The following SLC45A1 variants were observed in gnomAD, a reference collection of about 807,000 sequenced individuals.
SLC45A1 encodes the protein solute carrier family 45 member 1.
A neutral mutation model predicts 57.6 loss-of-function variants in SLC45A1; 28 were observed. That is an observed-to-expected ratio of 0.49 (90% CI 0.36 to 0.67). The LOEUF (loss-of-function observed/expected upper bound fraction) is 0.67, where lower values mean the gene tolerates loss of function less well. SLC45A1 is among the 30% of genes least tolerant of loss of function. SLC45A1 has a pLI of 0.00. For missense variants in SLC45A1, 814 were observed against 1,041.5 expected (o/e 0.78, Z 3.01); for synonymous variants, 459 against 471.5 (o/e 0.97, Z 0.34).
At position 8,335,240 on chromosome 1, in the gene SLC45A1, G is replaced by A. The variant is rs571601113; in HGVS notation, c.1444-197G>A. Among the ~76,000 whole-genome samples, 23 of 152,296 alleles carry A rather than the reference G, an allele frequency of 1.5e-4. No individual in the cohort carries two copies. The highest frequency in any genetic ancestry group is 3.9e-4 in the Admixed American group (6 of 15,294). The stretch of plus-strand genomic sequence containing the variant: ...ATGGAATTCTAGCCTTAGCTGCTCC[G>A]GGGCCTCGGAAACAATGCCCTGAAT... On this transcript the variant is annotated intron_variant, in intron 5 of 8. Coordinates refer to ENST00000471889, the MANE Select transcript of SLC45A1 (RefSeq NM_001080397.3). The surrounding 1 kb of genome is among the most constrained non-coding windows in gnomAD (Gnocchi z 4.1).
Position 8,326,335 on chromosome 1 carries a change from T to A in SLC45A1, c.715+293T>A, listed in dbSNP as rs1640203117. The stretch of plus-strand genomic sequence containing the variant: ...CTGCAGAGTCACCACAAACACTGAA[T>A]TAGCAAACACCGCATCTCGCTCCTA... On this transcript the variant is annotated intron_variant, in intron 4 of 8. Coordinates refer to ENST00000471889, the MANE Select transcript of SLC45A1 (RefSeq NM_001080397.3). The surrounding 1 kb of genome is among the most constrained non-coding windows in gnomAD (Gnocchi z 5.5). Among the ~76,000 whole-genome samples the A allele has an allele frequency of 6.6e-6, 1 of 152,224 alleles. No individual in the cohort carries two copies. Among genetic ancestry groups the A allele is most frequent in the Non-Finnish European group, 1.5e-5 (1 of 68,030 alleles).
intron 1 of SLC45A1, among the ~76,000 whole-genome samples, chr1:8,318,699 C>T (rs943211277): frequency 6.6e-6 from 1 of 152,226 alleles, no homozygotes; most frequent in African/African-American, 2.4e-5. Context: ...CTCCTTCTGC[C>T]CTCGACAATC....
chr1:8,320,011 C>T (rs866178668), intron 1 of SLC45A1, among the ~76,000 whole-genome samples: 14 of 152,164 alleles, frequency 9.2e-5, no homozygotes, highest in African/African-American at 3.4e-4. Flanking sequence ...AGCCACTGTG[C>T]CCGGTCTCAA....
intron 1 of SLC45A1, among the ~76,000 whole-genome samples, chr1:8,319,155 C>T (rs1386637803): frequency 1.3e-5 from 2 of 152,234 alleles, no homozygotes; most frequent in Non-Finnish European, 1.5e-5. Flanking sequence ...TGGCACATGC[C>T]TGTAATCCCA....
In SLC45A1 at chr1:8,328,089, T is replaced by TA. The variant is rs1640256302; in HGVS notation, c.715+2048dup. Reference sequence around the variant, plus strand: ...ATTGGCTGGGCCGAAGGTAGTGAGTTATCTCGATTGATTGCCCACAGTCAG... The same window carrying TA: ...ATTGGCTGGGCCGAAGGTAGTGAGTTAATCTCGATTGATTGCCCACAGTCAG... On this transcript the variant is annotated intron_variant, in intron 4 of 8. Transcript: ENST00000471889. The surrounding 1 kb of genome is among the most constrained non-coding windows in gnomAD (Gnocchi z 4.6). 6.6e-6 allele frequency: 1 copy of TA among 152,224 alleles called. No individual in the cohort carries two copies. Among genetic ancestry groups the TA allele is most frequent in the African/African-American group, 2.4e-5 (1 of 41,456 alleles). The allele number at this position is 152,224 out of a possible 1,614,324, so 9.4% of individuals were successfully genotyped here. A position where few individuals can be genotyped will look rare whatever the true frequency, so the allele number is the denominator to read the frequency against.
At position 8,325,317 on chromosome 1, in the gene SLC45A1, G is replaced by C; in HGVS notation, c.417G>C (p.Leu139=). ...TTTCAGGATTCCTACTGCAGCCTCTGTTGGGTGCTTGGAGTGACCGGTGTA... is the reference window on the plus strand; with the variant it reads ...TTTCAGGATTCCTACTGCAGCCTCTCTTGGGTGCTTGGAGTGACCGGTGTA... The part of the protein sequence containing the change: ...SPILGFLLQP[L]LGAWSDRCTS... Residue 139 remains leucine, a synonymous_variant, in exon 3 of 9, where the codon CTG becomes CTC. Transcript: ENST00000471889. This position sits in a 1 kb window ranked among gnomAD's most constrained non-coding sequence, Gnocchi z 6.3. 6.2e-7 allele frequency: 1 copy of C among 1,613,828 alleles called. No individual in the cohort carries two copies. Among genetic ancestry groups the C allele is most frequent in the Non-Finnish European group, 8.5e-7 (1 of 1,179,814 alleles).
chr1:8,330,147 G>A lies in SLC45A1; in HGVS notation c.716-62G>A, dbSNP rs1569945157. ...ACCTTCATGTCCTTCTAAGAACGGG[G>A]CCACCGCGTTTGGGGCTTCTCCTCC... On this transcript the variant is annotated intron_variant, in intron 4 of 8. Transcript: ENST00000471889. The surrounding 1 kb of genome is among the most constrained non-coding windows in gnomAD (Gnocchi z 8.4). 5.1e-6 allele frequency: 8 copies of A among 1,570,592 alleles called. No individual in the cohort carries two copies. The East Asian group carries it at 1.6e-4, about 31-fold the overall frequency.
chr1:8,343,097 C>G lies in SLC45A1; in HGVS notation c.1981-650C>G, dbSNP rs1640882636. On this transcript the variant is annotated intron_variant, in intron 8 of 8. Transcript: ENST00000471889. This position sits in a 1 kb window ranked among gnomAD's most constrained non-coding sequence, Gnocchi z 7.7. ...CAGCCCTTCTGATGGGGGGAAGCCG[C>G]AGGGGAGGCCCAGGCTCCCAGGTCA... Among the ~76,000 whole-genome samples the G allele has an allele frequency of 6.6e-6, 1 of 152,156 alleles. No homozygotes were observed. The highest frequency in any genetic ancestry group is 2.4e-5 in the African/African-American group (1 of 41,440).
chr1:8,337,650 C>T (rs1640660971), intron 6 of SLC45A1, among the ~76,000 whole-genome samples, 166 bp from the exon 7 acceptor site: 1 of 152,172 alleles, frequency 6.6e-6, no homozygotes, highest in Non-Finnish European at 1.5e-5. Context: ...GATTTCCTGA[C>T]CCTGTGATCC....
chr1:8,342,051 C>CA (rs1640837963), intron 8 of SLC45A1, among the ~76,000 whole-genome samples: 2 of 150,552 alleles, frequency 1.3e-5, no homozygotes, highest in South Asian at 2.1e-4. Context: ...ACTAAAAATA[C>CA]AAAAAATTAG....
In SLC45A1 at chr1:8,326,885, C is replaced by T. The variant is rs1193814721; in HGVS notation, c.715+843C>T. 6.6e-6 allele frequency among the ~76,000 whole-genome samples: 1 copy of T among 152,196 alleles called. No individual in the cohort carries two copies. Among genetic ancestry groups the T allele is most frequent in the Admixed American group, 6.5e-5 (1 of 15,282 alleles). ...ATCCCAGCTACTTGGGAGGCTGAGG[C>T]AGGAGAATCACTTGAATCCGGGAGG... On this transcript the variant is annotated intron_variant, in intron 4 of 8. Transcript: ENST00000471889. This position sits in a 1 kb window ranked among gnomAD's most constrained non-coding sequence, Gnocchi z 5.5.
At position 8,343,644 on chromosome 1, in the gene SLC45A1, G is replaced by A; in HGVS notation, c.1981-103G>A. 7.5e-7 allele frequency: 1 copy of A among 1,327,632 alleles called. No homozygotes were observed. The highest frequency in any genetic ancestry group is 1.0e-6 in the Non-Finnish European group (1 of 964,170). The allele number at this position is 1,327,632 out of a possible 1,614,324, so 82.2% of individuals were successfully genotyped here. A position where few individuals can be genotyped will look rare whatever the true frequency, so the allele number is the denominator to read the frequency against. ...GCGCTGAAAAATGTGAGGCCGCTGTGTGTGGGCCGCTCGGGCCTCCTGGGC... is the reference window on the plus strand; with the variant it reads ...GCGCTGAAAAATGTGAGGCCGCTGTATGTGGGCCGCTCGGGCCTCCTGGGC... On this transcript the variant is annotated intron_variant, in intron 8 of 8. Transcript: ENST00000471889. This position sits in a 1 kb window ranked among gnomAD's most constrained non-coding sequence, Gnocchi z 7.7.
rs1426915396 is a variant in SLC45A1, at chr1:8,325,406, A to G, written c.490+16A>G. 3 of 1,553,612 alleles carry G rather than the reference A, an allele frequency of 1.9e-6. No homozygotes were observed. Among genetic ancestry groups the G allele is most frequent in the Non-Finnish European group, 2.7e-6 (3 of 1,130,566 alleles). Reference sequence around the variant, plus strand: ...CTGGCTATAGGTCTGTTGTTTTGGCATGGAAATAAAATGGAGAGGAAAAAA... The same window carrying G: ...CTGGCTATAGGTCTGTTGTTTTGGCGTGGAAATAAAATGGAGAGGAAAAAA... On this transcript the variant is annotated intron_variant, in intron 3 of 8. Coordinates refer to ENST00000471889, the MANE Select transcript of SLC45A1 (RefSeq NM_001080397.3). The surrounding 1 kb of genome is among the most constrained non-coding windows in gnomAD (Gnocchi z 6.3).
intron 1 of SLC45A1, among the ~76,000 whole-genome samples, chr1:8,319,221 A>G (rs1639917406): frequency 6.6e-6 from 1 of 152,250 alleles, no homozygotes; most frequent in African/African-American, 2.4e-5. Context: ...CGGAGGTTGC[A>G]GTGAACCCAG....
Position 8,343,896 on chromosome 1 carries a change from C to T in SLC45A1, c.2130C>T (p.Tyr710=), listed in dbSNP as rs780050134. 6.2e-7 allele frequency: 1 copy of T among 1,614,190 alleles called. No individual in the cohort carries two copies. Among genetic ancestry groups the T allele is most frequent in the Non-Finnish European group, 8.5e-7 (1 of 1,180,030 alleles). The change falls in exon 9 of 9, where the codon TAC becomes TAT. Residue 710 remains tyrosine (Y), a synonymous_variant. Transcript: ENST00000471889. The surrounding 1 kb of genome is among the most constrained non-coding windows in gnomAD (Gnocchi z 7.7). The part of the protein sequence containing the change: ...SAVGSANGVM[Y]FSSLVSFLGC... ...TGGGCAGTGCCAACGGGGTGATGTA[C>T]TTCTCCAGCCTCGTGTCCTTCCTGG...
chr1:8,322,203 G>A (rs1258609253), intron 1 of SLC45A1, among the ~76,000 whole-genome samples: 1 of 140,604 alleles, frequency 7.1e-6, no homozygotes, highest in African/African-American at 2.7e-5. Flanking sequence ...GGATGAGTGG[G>A]TGGATGGATG....
At position 8,326,635 on chromosome 1, in the gene SLC45A1, C is replaced by CA. The variant is rs1271322014; in HGVS notation, c.715+599dup. Among the ~76,000 whole-genome samples the CA allele has an allele frequency of 4.6e-5, 7 of 152,020 alleles. No individual in the cohort carries two copies. Among genetic ancestry groups the CA allele is most frequent in the Admixed American group, 3.3e-4 (5 of 15,256 alleles). ...GGCCATTTAAACAGTGAAACACCAA[C>CA]AAAAAACACAAAAATGTAAAAAAGG... On this transcript the variant is annotated intron_variant, in intron 4 of 8. Coordinates refer to ENST00000471889, the MANE Select transcript of SLC45A1 (RefSeq NM_001080397.3). This position sits in a 1 kb window ranked among gnomAD's most constrained non-coding sequence, Gnocchi z 5.5.
At position 8,335,566 on chromosome 1, in the gene SLC45A1, A is replaced by G; in HGVS notation, c.1573A>G (p.Thr525Ala). Residue 525 changes from threonine (T) to alanine (A), a missense_variant, in exon 6 of 9, where the codon ACC becomes GCC. Coordinates refer to ENST00000471889, the MANE Select transcript of SLC45A1 (RefSeq NM_001080397.3). This position sits in a 1 kb window ranked among gnomAD's most constrained non-coding sequence, Gnocchi z 4.1. Reference protein sequence around the residue: ...TICNMPKALRTLCVNHFLGWL... With the variant: ...TICNMPKALRALCVNHFLGWL... Reference sequence around the variant, plus strand: ...CTGCAACATGCCCAAGGCGCTACGCACCCTCTGCGTCAACCACTTCCTGGG... The same window carrying G: ...CTGCAACATGCCCAAGGCGCTACGCGCCCTCTGCGTCAACCACTTCCTGGG... The G allele has an allele frequency of 1.2e-6, 2 of 1,605,406 alleles. No homozygotes were observed. The highest frequency in any genetic ancestry group is 2.2e-5 in the East Asian group (1 of 44,638).
chr1:8,330,080 T>G lies in SLC45A1; in HGVS notation c.716-129T>G. On this transcript the variant is annotated intron_variant, in intron 4 of 8. Coordinates refer to ENST00000471889, the MANE Select transcript of SLC45A1 (RefSeq NM_001080397.3). This position sits in a 1 kb window ranked among gnomAD's most constrained non-coding sequence, Gnocchi z 8.4. ...CTGTCCCATTTTGTTGGGGTTTAGGTGGAACAGGTTCTGTGCCCACGTCCC... is the reference window on the plus strand; with the variant it reads ...CTGTCCCATTTTGTTGGGGTTTAGGGGGAACAGGTTCTGTGCCCACGTCCC... 1 of 1,195,824 alleles carries G rather than the reference T, an allele frequency of 8.4e-7. No individual in the cohort carries two copies. Among genetic ancestry groups the G allele is most frequent in the Non-Finnish European group, 1.2e-6 (1 of 846,592 alleles). 74.1% of individuals were successfully genotyped at this position (1,195,824 alleles called of 1,614,324 possible).
Sources: allele counts gnomAD v4.1 joint callset (sites outside exome capture counted in the v4.1 genomes callset), GRCh38; gene constraint gnomAD v4.1.1; non-coding constraint Gnocchi (gnomAD v3.1); transcripts MANE v1.5; gene names NCBI Gene and HGNC (gene_info 2026-07-23, HGNC 2026-07-21).